Variants in FRMD4A observed in about 807,000 individuals in gnomAD.
The protein encoded by FRMD4A is FERM domain-containing protein 4A.
A neutral mutation model predicts 129.1 loss-of-function variants in FRMD4A; 29 were observed. The ratio of observed to expected loss-of-function variants is 0.22; its 90% CI spans 0.17 to 0.31. FRMD4A has a LOEUF of 0.31. FRMD4A is among the 10% of genes least tolerant of loss of function. The pLI, the probability that FRMD4A is intolerant of heterozygous loss-of-function variation, is 1.00. For missense variants in FRMD4A, 1,272 were observed against 1,375.8 expected, an observed-to-expected ratio of 0.92 and a Z score of 1.19; for synonymous variants, 634 against 571.6, an observed-to-expected ratio of 1.11 and a Z score of -1.56.
At chr10:14,206,667 C>T (rs529286213) in intron 2 of FRMD4A, among the ~76,000 whole-genome samples, 45 of 151,732 alleles carry the variant, frequency 3.0e-4, no homozygotes, top group African/African-American at 9.9e-4. Context: ...ATTAGCCGGG[C>T]GTGGTGGCAT....
At chr10:13,753,079 A>G (rs74977277) in intron 8 of FRMD4A, among the ~76,000 whole-genome samples, 8,412 of 152,298 alleles carry the variant, frequency 0.055, 323 homozygotes, top group Non-Finnish European at 0.085. Context: ...CCTTTGTTCG[A>G]TCATACAGTG....
At position 14,278,387 on chromosome 10, in the gene FRMD4A, G is replaced by A. The variant is rs113548167; in HGVS notation, c.45+51671C>T. 4.3e-3 allele frequency among the ~76,000 whole-genome samples: 661 copies of A among 152,236 alleles called. 6 individuals are homozygous for A. The highest frequency in any genetic ancestry group is 4.3e-3 in the Non-Finnish European group (295 of 68,010). On this transcript the variant is annotated intron_variant, in intron 2 of 24. Transcript: ENST00000357447. ...CCAAGTTCCCAGAGGCTCAGGCTCC[G>A]GCTGTGGCTTGAAATGCCATCAGTG...
chr10:13,820,933 C>T (rs1180742273), intron 3 of FRMD4A, among the ~76,000 whole-genome samples: 2 of 152,204 alleles, frequency 1.3e-5, no homozygotes, highest in African/African-American at 4.8e-5. Context: ...TCTCTCTGGA[C>T]AGGAGGGGCC....
In FRMD4A at chr10:13,762,619, C is replaced by T; in HGVS notation, c.441+5G>A. The T allele has an allele frequency of 1.3e-6, 2 of 1,562,396 alleles. No individual in the cohort carries two copies. The highest frequency in any genetic ancestry group is 1.7e-4 in the Middle Eastern group (1 of 5,976). On this transcript the variant is annotated splice_donor_5th_base_variant and intron_variant, in intron 7 of 24. Coordinates refer to ENST00000357447, the MANE Select transcript of FRMD4A (RefSeq NM_018027.5). ...GACATAAAGAGGAGGAGAAAAACAA[C>T]TTACCTGTAAAATATAGGAAGCTAA...
intron 2 of FRMD4A, among the ~76,000 whole-genome samples, chr10:13,877,655 G>T (rs943497206): frequency 1.3e-5 from 2 of 152,240 alleles, no homozygotes; most frequent in Non-Finnish European, 2.9e-5. Flanking sequence ...AGAGGCTACC[G>T]CCTTTCTGTT....
intron 2 of FRMD4A, among the ~76,000 whole-genome samples, chr10:14,038,191 C>T (rs1226400366): frequency 6.6e-6 from 1 of 152,120 alleles, no homozygotes; most frequent in Non-Finnish European, 1.5e-5. Context: ...GGCGAGGTGG[C>T]GGGCGCCTGT....
chr10:13,813,069 C>T (rs568866343), intron 3 of FRMD4A, among the ~76,000 whole-genome samples: 3 of 152,344 alleles, frequency 2.0e-5, no homozygotes, highest in African/African-American at 7.2e-5. Context: ...CTAGCTCCAC[C>T]CCCAGGAAGT....
chr10:14,271,082 T>C (rs1845148710), intron 2 of FRMD4A, among the ~76,000 whole-genome samples: 1 of 152,070 alleles, frequency 6.6e-6, no homozygotes, highest in Admixed American at 6.5e-5. Flanking sequence ...GGGACAAGAT[T>C]GGTGGGTGCC....
At chr10:13,842,799 A>C (rs554831854) in intron 3 of FRMD4A, among the ~76,000 whole-genome samples, 7 of 152,210 alleles carry the variant, frequency 4.6e-5, no homozygotes, top group Non-Finnish European at 8.8e-5. Flanking sequence ...ACTGCACTCT[A>C]GCCTGGGTGA....
chr10:14,132,091 G>T (rs1839290558), intron 2 of FRMD4A, among the ~76,000 whole-genome samples: 1 of 152,154 alleles, frequency 6.6e-6, no homozygotes, highest in Admixed American at 6.5e-5. Context: ...ATCAAGACCA[G>T]CCTGGCCAAC....
intron 15 of FRMD4A, chr10:13,684,605 T>G: frequency 2.0e-6 from 2 of 985,386 alleles, no homozygotes; most frequent in Non-Finnish European, 2.4e-6. Flanking sequence ...ATGCTCCAAT[T>G]GTTCAGAAGA....
chr10:14,095,414 C>A (rs564302278), intron 2 of FRMD4A, among the ~76,000 whole-genome samples: 4 of 152,316 alleles, frequency 2.6e-5, no homozygotes, highest in African/African-American at 9.6e-5. Context: ...CTGGGCCACT[C>A]ACTGATTTGA....
chr10:13,757,400 G>A (rs865803125), intron 8 of FRMD4A, among the ~76,000 whole-genome samples: 5 of 152,132 alleles, frequency 3.3e-5, no homozygotes, highest in Admixed American at 6.5e-5. Context: ...TAGAAGTATC[G>A]TACAAATTTG....
intron 2 of FRMD4A, among the ~76,000 whole-genome samples, chr10:14,077,555 T>A (rs75040163): frequency 0.025 from 3,773 of 152,322 alleles, 59 homozygotes; most frequent in African/African-American, 0.051. Flanking sequence ...AATGTCCATT[T>A]CTGCACCCCC....
At chr10:14,140,893 T>C (rs539662710) in intron 2 of FRMD4A, among the ~76,000 whole-genome samples, 2 of 152,072 alleles carry the variant, frequency 1.3e-5, no homozygotes, top group Non-Finnish European at 2.9e-5. Flanking sequence ...AAGCAGGGGC[T>C]CAGGGAGACT....
At chr10:14,099,868 C>T (rs886597333) in intron 2 of FRMD4A, among the ~76,000 whole-genome samples, 1 of 152,216 alleles carries the variant, frequency 6.6e-6, no homozygotes, top group Admixed American at 6.5e-5. Context: ...CTCAAGTGAT[C>T]TTCCAGTCTC....
intron 2 of FRMD4A, among the ~76,000 whole-genome samples, chr10:13,935,810 A>C (rs919546846): frequency 6.6e-6 from 1 of 152,238 alleles, no homozygotes; most frequent in African/African-American, 2.4e-5. Flanking sequence ...ACTGAGGCTC[A>C]AAAAGCTACA....
chr10:14,025,578 G>T (rs1832951595), intron 2 of FRMD4A, among the ~76,000 whole-genome samples: 1 of 152,134 alleles, frequency 6.6e-6, no homozygotes, highest in Admixed American at 6.5e-5. Context: ...TATTGTCTAA[G>T]AAAAATTTTG....
intron 14 of FRMD4A, among the ~76,000 whole-genome samples, chr10:13,697,874 A>G (rs1250024189): frequency 6.6e-6 from 1 of 152,174 alleles, no homozygotes; most frequent in Non-Finnish European, 1.5e-5. Context: ...CAAAGTCTCT[A>G]AGACGTTCCT....
Sources: allele counts gnomAD v4.1 joint callset (sites outside exome capture counted in the v4.1 genomes callset), GRCh38; gene constraint gnomAD v4.1.1; transcripts MANE v1.5; gene names NCBI Gene and HGNC (gene_info 2026-07-23, HGNC 2026-07-21).